Variants in SGSM1 observed in about 807,000 individuals in gnomAD.
The protein encoded by SGSM1 is small G protein signaling modulator 1, also known as RUN and TBC1 domain containing 2.
In SGSM1, 73 loss-of-function variants were observed where a neutral mutation model predicts 133.8. That is an observed-to-expected ratio of 0.55 (90% CI 0.45 to 0.66). The LOEUF (loss-of-function observed/expected upper bound fraction) is 0.66. Among genes scored for constraint, SGSM1 ranks in the 30% least tolerant of loss-of-function variants. The pLI is 0.00. For synonymous variants in SGSM1, 563 were observed against 573.0 expected, an observed-to-expected ratio of 0.98 and a Z score of 0.25; for missense variants, 1,213 against 1,448.1, an observed-to-expected ratio of 0.84 and a Z score of 2.64.
intron 2 of SGSM1, among the ~76,000 whole-genome samples, chr22:24,835,890 A>G (rs1341380203): frequency 6.6e-6 from 1 of 152,064 alleles, no homozygotes; most frequent in Admixed American, 6.6e-5. Flanking sequence ...GTTTGATAGA[A>G]CTTTTCTTTA....
At chr22:24,903,981 GAAA>G (rs200526574) in intron 20 of SGSM1, among the ~76,000 whole-genome samples, 2 of 61,844 alleles carry the variant, frequency 3.2e-5, no homozygotes, top group Admixed American at 1.8e-4. Flanking sequence ...TCAACAAAAA[GAAA>G]AAAAAAAAAA....
At chr22:24,902,004 G>T (rs777776138) in intron 20 of SGSM1, 47 bp downstream of exon 20, 1 of 1,377,704 alleles carries the variant, frequency 7.3e-7, no homozygotes, top group South Asian at 1.5e-5. Context: ...ATGGTGGGTG[G>T]GTGGGATGGG....
chr22:24,890,986 A>G (rs1932805666), intron 16 of SGSM1, among the ~76,000 whole-genome samples: 1 of 152,266 alleles, frequency 6.6e-6, no homozygotes, highest in South Asian at 2.1e-4. Context: ...ACGAGAAGCC[A>G]GTATAACTTG....
intron 16 of SGSM1, among the ~76,000 whole-genome samples, chr22:24,892,867 T>G (rs1188232887): frequency 1.5e-5 from 2 of 136,892 alleles, no homozygotes; most frequent in Admixed American, 7.5e-5. Flanking sequence ...GCCAACAAGG[T>G]GAAACCCCGT....
At chr22:24,840,004 G>A (rs73407260) in intron 2 of SGSM1, among the ~76,000 whole-genome samples, 28,792 of 147,194 alleles carry the variant, frequency 0.2, 2,935 homozygotes, top group Non-Finnish European at 0.23. Flanking sequence ...GTGCAGTGGC[G>A]CGATCTCAGC....
intron 19 of SGSM1, among the ~76,000 whole-genome samples, chr22:24,898,824 G>A (rs1368520581): frequency 3.3e-5 from 5 of 152,034 alleles, no homozygotes; most frequent in African/African-American, 7.2e-5. Flanking sequence ...TCAGAAGATC[G>A]AGACCATCCT....
chr22:24,860,916 A>ATAT (rs1227681720), intron 9 of SGSM1, among the ~76,000 whole-genome samples: 104 of 90,210 alleles, frequency 1.2e-3, no homozygotes, highest in African/African-American at 3.5e-3. Context: ...AAAAAAAAAA[A>ATAT]AAAAAAATAT....
intron 2 of SGSM1, among the ~76,000 whole-genome samples, chr22:24,807,070 C>G (rs1231855119): frequency 6.6e-6 from 1 of 151,998 alleles, no homozygotes; most frequent in Non-Finnish European, 1.5e-5. Context: ...CCGCCCCACT[C>G]CCACCCCACA....
intron 18 of SGSM1, 74 bp downstream of exon 18, chr22:24,895,365 C>A: frequency 1.4e-6 from 2 of 1,433,188 alleles, no homozygotes; most frequent in Non-Finnish European, 1.9e-6. Flanking sequence ...GGTTGGGTGT[C>A]CGTCATCTGT....
intron 23 of SGSM1, 76 bp from the exon 24 acceptor site, chr22:24,919,750 G>C (rs1933940644): frequency 1.3e-6 from 2 of 1,569,626 alleles, no homozygotes; most frequent in Non-Finnish European, 1.7e-6. Flanking sequence ...TCCCACCTTG[G>C]GGGGCTTCCC....
chr22:24,867,285 A>G (rs1931514149), intron 10 of SGSM1, 125 bp downstream of exon 10: 1 of 877,990 alleles, frequency 1.1e-6, no homozygotes. Flanking sequence ...TACCTGTGCA[A>G]CCTTAGGCAA....
rs574990732 is a variant in SGSM1, at chr22:24,855,274, A to G, written c.524-11A>G. ...GGGGCAGTGGGTTTCCAGCCCCCAC[A>G]TGCCCCTCAGTGGGGCCCTGTGCCC... On this transcript the variant is annotated splice_polypyrimidine_tract_variant and intron_variant, in intron 6 of 24. Transcript: ENST00000400358. 6.2e-6 allele frequency: 10 copies of G among 1,606,582 alleles called. No individual in the cohort carries two copies. In the South Asian group the frequency reaches 1.1e-4, roughly 18 times the overall value.
At chr22:24,844,050 TATTC>T (rs1195079920) in intron 2 of SGSM1, 1 of 152,212 alleles carries the variant, frequency 6.6e-6, no homozygotes, top group African/African-American at 2.4e-5. Flanking sequence ...TTATATATCT[TATTC>T]ATTCATACAC....
At chr22:24,854,547 T>G (rs559274378) in intron 5 of SGSM1, among the ~76,000 whole-genome samples, 43 of 152,350 alleles carry the variant, frequency 2.8e-4, no homozygotes, top group Admixed American at 5.2e-4. Flanking sequence ...TACAGGTGGC[T>G]TATGCCTGTA....
intron 8 of SGSM1, chr22:24,856,014 TATCCATCCATCC>T (rs3062177): frequency 1.7e-5 from 8 of 462,466 alleles, no homozygotes; most frequent in Admixed American, 2.6e-5. Context: ...TCTTTACATC[TATCCATCCATCC>T]ATCCATCCAT....
In SGSM1 at chr22:24,881,560, C is replaced by G. The variant is rs189378895; in HGVS notation, c.1495+2034C>G. 2.6e-3 allele frequency among the ~76,000 whole-genome samples: 384 copies of G among 150,370 alleles called. 1 individual carries two copies. Among genetic ancestry groups the G allele is most frequent in the Middle Eastern group, 0.01 (3 of 290 alleles). ...CAGCCTGGGTGACAGAGCGAGACTC[C>G]GTCTCAAAAACAAAACAAAACAAAA... On this transcript the variant is annotated intron_variant, in intron 14 of 24. Coordinates refer to ENST00000400358, the MANE Select transcript of SGSM1 (RefSeq NM_001098497.3).
rs1569154819 is a variant in SGSM1 at position 24,866,784 on chromosome 22, G to A, written c.927-309G>A. Among the ~76,000 whole-genome samples the A allele has an allele frequency of 2.0e-5, 3 of 152,192 alleles. No individual in the cohort carries two copies. In the South Asian group the frequency reaches 6.2e-4, roughly 32 times the overall value. On this transcript the variant is annotated intron_variant, in intron 9 of 24. Coordinates refer to ENST00000400358, the MANE Select transcript of SGSM1 (RefSeq NM_001098497.3). ...AGTCCTGCACTGAACACTGTGGCCG[G>A]AACAGTGGGACAGGTTGATTGGCCA... is the stretch of plus-strand genomic sequence containing the variant.
In SGSM1 at chr22:24,845,720, G is replaced by A. The variant is rs1224400628; in HGVS notation, c.139+748G>A. 2.6e-5 allele frequency among the ~76,000 whole-genome samples: 4 copies of A among 152,274 alleles called. No individual in the cohort carries two copies. In the South Asian group the frequency reaches 6.2e-4, roughly 24 times the overall value. On this transcript the variant is annotated intron_variant, in intron 3 of 24. Coordinates refer to ENST00000400358, the MANE Select transcript of SGSM1 (RefSeq NM_001098497.3). Reference sequence around the variant, plus strand: ...TCAGCTGCCGTCCAAATGGCTGGGGGCACCACCCCACGGGGCCCACAACAT... The same window carrying A: ...TCAGCTGCCGTCCAAATGGCTGGGGACACCACCCCACGGGGCCCACAACAT...
intron 2 of SGSM1, among the ~76,000 whole-genome samples, chr22:24,836,270 A>G (rs1929421902): frequency 6.6e-6 from 1 of 152,162 alleles, no homozygotes; most frequent in Non-Finnish European, 1.5e-5. Context: ...GTATTTTGGC[A>G]TGTGTCAGAA....
Sources: allele counts gnomAD v4.1 joint callset (sites outside exome capture counted in the v4.1 genomes callset), GRCh38; gene constraint gnomAD v4.1.1; transcripts MANE v1.5; gene names NCBI Gene and HGNC (gene_info 2026-07-23, HGNC 2026-07-21).